The following UXS1 variants were observed in gnomAD, a reference collection of about 807,000 sequenced individuals.
UXS1 encodes UDP-glucuronate decarboxylase 1.
A neutral mutation model predicts 62.6 loss-of-function variants in UXS1; 33 were observed. The observed-to-expected ratio is 0.53, with a 90% CI of 0.40 to 0.70. The LOEUF (loss-of-function observed/expected upper bound fraction) is 0.70, where lower values mean the gene tolerates loss of function less well. Ranked by LOEUF, UXS1 falls within the 30% of genes least tolerant of loss-of-function variation. The pLI is 0.00. For missense variants in UXS1, 434 were observed against 556.3 expected (o/e 0.78, Z 2.21); for synonymous variants, 213 against 206.8 (o/e 1.03, Z -0.26).
chr2:106,172,972 G>A (rs1032930980), intron 1 of UXS1, among the ~76,000 whole-genome samples: 3 of 152,076 alleles, frequency 2.0e-5, no homozygotes, highest in Non-Finnish European at 4.4e-5. Context: ...CCTTATAAAA[G>A]AGGTCTTCTG....
intron 10 of UXS1, among the ~76,000 whole-genome samples, chr2:106,106,807 A>G (rs1169666366): frequency 6.6e-6 from 1 of 152,160 alleles, no homozygotes; most frequent in Non-Finnish European, 1.5e-5. Context: ...ACTCCCCTCT[A>G]CACCAGTGCC....
At chr2:106,127,614 G>C (rs1680070521) in intron 7 of UXS1, among the ~76,000 whole-genome samples, 1 of 152,168 alleles carries the variant, frequency 6.6e-6, no homozygotes, top group Non-Finnish European at 1.5e-5. Flanking sequence ...CTCTAGCACA[G>C]GGTCTGGGAG....
chr2:106,104,578 CAT>C (rs1023175252), intron 11 of UXS1, among the ~76,000 whole-genome samples: 21 of 152,198 alleles, frequency 1.4e-4, no homozygotes, highest in African/African-American at 4.8e-4. Context: ...AAGATTAGCA[CAT>C]GAGTCACGAT....
chr2:106,117,390 G>A (rs1351556241), intron 9 of UXS1, among the ~76,000 whole-genome samples: 3 of 152,176 alleles, frequency 2.0e-5, no homozygotes, highest in Non-Finnish European at 2.9e-5. Flanking sequence ...AAATATGCCT[G>A]GGAACTTAAC....
At chr2:106,122,883 A>G in intron 9 of UXS1, 87 bp downstream of exon 9, 1 of 1,524,558 alleles carries the variant, frequency 6.6e-7, no homozygotes, top group Non-Finnish European at 8.9e-7. Context: ...AAAATCAGTC[A>G]TGGCATTCAT....
At chr2:106,179,130 T>C (rs948132464) in intron 1 of UXS1, among the ~76,000 whole-genome samples, 9 of 152,116 alleles carry the variant, frequency 5.9e-5, no homozygotes, top group African/African-American at 2.2e-4. Context: ...CCATCATGCA[T>C]CAGGCACAGG....
At chr2:106,156,172 A>G (rs561941881) in intron 5 of UXS1, among the ~76,000 whole-genome samples, 2 of 152,342 alleles carry the variant, frequency 1.3e-5, no homozygotes, top group African/African-American at 2.4e-5. Flanking sequence ...AAGAATATAT[A>G]AAGAACTTAA....
intron 9 of UXS1, among the ~76,000 whole-genome samples, chr2:106,116,389 C>T (rs1472844676): frequency 1.3e-5 from 2 of 152,194 alleles, no homozygotes; most frequent in Admixed American, 6.5e-5. Flanking sequence ...GACTCAAGGG[C>T]GGTAATGAGC....
chr2:106,161,684 T>C (rs576444993), intron 4 of UXS1, among the ~76,000 whole-genome samples: 1 of 152,338 alleles, frequency 6.6e-6, no homozygotes, highest in South Asian at 2.1e-4. Context: ...GTAAGCAGTA[T>C]TCTTACTTAG....
chr2:106,099,570 G>T (rs2104834406), intron 12 of UXS1, among the ~76,000 whole-genome samples: 1 of 152,272 alleles, frequency 6.6e-6, no homozygotes, highest in South Asian at 2.1e-4. Context: ...AAGTGATTCT[G>T]CCTTTCTCCT....
At chr2:106,111,976 C>T (rs915106936) in intron 10 of UXS1, among the ~76,000 whole-genome samples, 6 of 152,186 alleles carry the variant, frequency 3.9e-5, no homozygotes, top group South Asian at 2.1e-4. Context: ...CCAAAGATGC[C>T]GGCAGAGCCT....
At chr2:106,188,981 T>TA (rs1402877450) in intron 1 of UXS1, among the ~76,000 whole-genome samples, 1 of 151,910 alleles carries the variant, frequency 6.6e-6, no homozygotes, top group Non-Finnish European at 1.5e-5. Flanking sequence ...AAATAAAATG[T>TA]AAAAAAATCA....
intron 13 of UXS1, chr2:106,097,414 A>C: frequency 2.9e-6 from 1 of 349,520 alleles, no homozygotes; most frequent in Non-Finnish European, 5.7e-6. Context: ...AGACCTGCAG[A>C]AGAAAGCCTG....
chr2:106,176,589 C>A (rs1683895420), intron 1 of UXS1, among the ~76,000 whole-genome samples: 1 of 152,170 alleles, frequency 6.6e-6, no homozygotes, highest in Non-Finnish European at 1.5e-5. Context: ...GGAAGCCGTG[C>A]CTACTCCTGA....
At chr2:106,136,640 T>C (rs1680655451) in intron 6 of UXS1, among the ~76,000 whole-genome samples, 1 of 51,440 alleles carries the variant, frequency 1.9e-5, no homozygotes, top group Non-Finnish European at 3.9e-5. Flanking sequence ...GAAACCATCA[T>C]TCTCAGTAAA....
At chr2:106,180,317 A>C (rs543877070) in intron 1 of UXS1, among the ~76,000 whole-genome samples, 1 of 152,362 alleles carries the variant, frequency 6.6e-6, no homozygotes, top group Non-Finnish European at 1.5e-5. Flanking sequence ...TTGACTGTTA[A>C]AATTATGAAT....
chr2:106,094,134 G>C lies in UXS1; in HGVS notation c.1170C>G (p.Asn390Lys), dbSNP rs1466933508. The C allele has an allele frequency of 6.2e-7, 1 of 1,611,716 alleles. No homozygotes were observed. The highest frequency in any genetic ancestry group is 8.5e-7 in the Non-Finnish European group (1 of 1,179,676). Reference protein sequence around the residue: ...EPVVPLEEGLNKAIHYFRKEL... With the variant: ...EPVVPLEEGLKKAIHYFRKEL... ...CTTTACGGAAGTAGTGAATTGCTTT[G>C]TTTAAACCTTCCTCCAGCGGGACCT... Residue 390 changes from asparagine to lysine, a missense_variant, in exon 15 of 15, where the codon AAC becomes AAG. Asn to Lys is a moderately conservative substitution (Grantham distance 94). Around this residue, in one of 3 missense-constraint regions of UXS1, gnomAD observed 209 missense variants for 233.3 expected, o/e 0.90. Coordinates refer to ENST00000283148, the MANE Select transcript of UXS1 (RefSeq NM_001253875.2).
At chr2:106,177,894 A>G (rs141696121) in intron 1 of UXS1, among the ~76,000 whole-genome samples, 376 of 152,334 alleles carry the variant, frequency 2.5e-3, no homozygotes, top group Admixed American at 5.9e-3. Context: ...GCAAGGTTCC[A>G]GGTGTTGCTG....
rs1375868559 is a variant in UXS1, at chr2:106,152,680, C to A, written c.291+5378G>T. ...AGAGTCTGCAACACTTGAGTCCATC[C>A]CCACAGTTTAGAGTGGGGAATGTGC... On this transcript the variant is annotated intron_variant, in intron 5 of 14. Coordinates refer to ENST00000283148, the MANE Select transcript of UXS1 (RefSeq NM_001253875.2). Among the ~76,000 whole-genome samples the A allele has an allele frequency of 1.3e-5, 2 of 151,614 alleles. 1 individual carries two copies. Among genetic ancestry groups the A allele is most frequent in the Non-Finnish European group, 2.9e-5 (2 of 67,886 alleles).
Sources: gnomAD v4.1 joint callset for allele counts (sites outside exome capture counted in the v4.1 genomes callset) on GRCh38, gnomAD v4.1.1 for gene constraint, gnomAD v4.1.1 regional missense constraint, MANE v1.5 for transcripts, NCBI Gene and HGNC (gene_info 2026-07-23, HGNC 2026-07-21) for gene names.